Variants in AAMP observed in about 807,000 individuals in gnomAD.
The protein encoded by AAMP is angio-associated migratory cell protein.
AAMP carries 12 observed loss-of-function variants against 51.1 expected under a neutral mutation model. That is an observed-to-expected ratio of 0.23 (90% CI 0.15 to 0.38). The LOEUF (loss-of-function observed/expected upper bound fraction) is 0.38, where lower values mean the gene tolerates loss of function less well. Among genes scored for constraint, AAMP ranks in the 10% least tolerant of loss-of-function variants. The pLI is 1.00. For synonymous variants in AAMP, 210 were observed against 218.7 expected (o/e 0.96, Z 0.35); for missense variants, 418 against 557.2 (o/e 0.75, Z 2.52).
chr2:218,270,056 C>A lies in AAMP; in HGVS notation c.31G>T (p.Ala11Ser), dbSNP rs1690758617. The A allele has an allele frequency of 6.2e-7, 1 of 1,613,938 alleles. No homozygotes were observed. Among genetic ancestry groups the A allele is most frequent in the African/African-American group, 1.3e-5 (1 of 74,936 alleles). MESESESGAAADTPPLETLSF... is the reference protein window; with the variant it reads MESESESGAASDTPPLETLSF... Reference sequence around the variant, plus strand: ...AGGGTCTCCAGTGGGGGGGTGTCAGCAGCAGCCCCGCTTTCCGATTCGGAC... The same window carrying A: ...AGGGTCTCCAGTGGGGGGGTGTCAGAAGCAGCCCCGCTTTCCGATTCGGAC... The change falls in exon 1 of 11, where the codon GCT becomes TCT. Residue 11 changes from alanine (A) to serine (S), a missense_variant. Physicochemically the swap from Ala to Ser is moderately conservative, Grantham distance 99 (BLOSUM62 1). Transcript: ENST00000248450.
rs546747931 is a variant in AAMP, at chr2:218,264,212, G to C, written c.*321C>G. On this transcript the variant is annotated 3_prime_UTR_variant, in exon 11 of 11. Transcript: ENST00000248450. ...TTCCACCCCCAGAGACTTGGGAAGG[G>C]AAAGAACGGGAACCTCAAACACCTA... 1 of 395,310 alleles carries C rather than the reference G, an allele frequency of 2.5e-6. No homozygotes were observed. Among genetic ancestry groups the C allele is most frequent in the African/African-American group, 2.0e-5 (1 of 50,110 alleles). The allele number at this position is 395,310 out of a possible 1,614,324, so 24.5% of individuals were successfully genotyped here. A position where few individuals can be genotyped will look rare whatever the true frequency, so the allele number is the denominator to read the frequency against.
chr2:218,269,163 G>T (rs1690716497), intron 2 of AAMP, among the ~76,000 whole-genome samples: 1 of 152,174 alleles, frequency 6.6e-6, no homozygotes, highest in Admixed American at 6.5e-5. Flanking sequence ...AAACTAAGAG[G>T]TTAATCAAGG....
Position 218,266,314 on chromosome 2 carries a change from G to A in AAMP, c.679+129C>T. On this transcript the variant is annotated intron_variant, in intron 5 of 10. Coordinates refer to ENST00000248450, the MANE Select transcript of AAMP (RefSeq NM_001087.5). This position sits in a 1 kb window ranked among gnomAD's most constrained non-coding sequence, Gnocchi z 4.7. Reference sequence around the variant, plus strand: ...AGGCGCTGTGAACTTTGGGGCCCAGGAGGTCAGCACTGCAAACAGCAGGCC... The same window carrying A: ...AGGCGCTGTGAACTTTGGGGCCCAGAAGGTCAGCACTGCAAACAGCAGGCC... The A allele has an allele frequency of 7.1e-7, 1 of 1,406,920 alleles. No homozygotes were observed. Among genetic ancestry groups the A allele is most frequent in the African/African-American group, 1.4e-5 (1 of 70,250 alleles). 87.2% of individuals were successfully genotyped at this position (1,406,920 alleles called of 1,614,324 possible).
chr2:218,266,484 C>G lies in AAMP; in HGVS notation c.638G>C (p.Gly213Ala). 1.2e-6 allele frequency: 2 copies of G among 1,614,094 alleles called. No individual in the cohort carries two copies. Among genetic ancestry groups the G allele is most frequent in the Non-Finnish European group, 1.7e-6 (2 of 1,180,002 alleles). The change falls in exon 5 of 11, where the codon GGT becomes GCT. Residue 213 changes from glycine to alanine, a missense_variant. Gly to Ala is a moderately conservative substitution (Grantham distance 60). Coordinates refer to ENST00000248450, the MANE Select transcript of AAMP (RefSeq NM_001087.5). The surrounding 1 kb of genome is among the most constrained non-coding windows in gnomAD (Gnocchi z 4.7). ...VPNGDCKTFQGPNCPATCGRV... is the reference protein window; with the variant it reads ...VPNGDCKTFQAPNCPATCGRV... ...GCCACAGGTGGCTGGGCAGTTGGGA[C>G]CCTGGAAGGTCTTGCAGTCACCATT...
rs140509699 is a variant in AAMP, at chr2:218,267,561, G to A, written c.327C>T (p.Thr109=). ...CGAAGGCTTTGTCATCTTCACCCCCGGTCACTGCCAAGGTATTGGTCTTGG... is the reference window on the plus strand; with the variant it reads ...CGAAGGCTTTGTCATCTTCACCCCCAGTCACTGCCAAGGTATTGGTCTTGG... The part of the protein sequence containing the change: ...LDPKTNTLAV[T]GGEDDKAFVW... The change falls in exon 3 of 11, where the codon ACC becomes ACT. Residue 109 remains threonine (T), a synonymous_variant. Transcript: ENST00000248450. The surrounding 1 kb of genome is among the most constrained non-coding windows in gnomAD (Gnocchi z 4.6). 29 of 1,613,890 alleles carry A rather than the reference G, an allele frequency of 1.8e-5. No homozygotes were observed. Among genetic ancestry groups the A allele is most frequent in the East Asian group, 2.2e-5 (1 of 44,886 alleles).
chr2:218,267,112 G>T lies in AAMP; in HGVS notation c.395-126C>A. 8.9e-7 allele frequency: 1 copy of T among 1,121,482 alleles called. No individual in the cohort carries two copies. The highest frequency in any genetic ancestry group is 1.3e-6 in the Non-Finnish European group (1 of 789,722). 69.5% of individuals were successfully genotyped at this position (1,121,482 alleles called of 1,614,324 possible). A position where few individuals can be genotyped will look rare whatever the true frequency, so the allele number is the denominator to read the frequency against. ...AAAAAAAGAGGGGCGGGACTGAGCAGAACAGGTGCTGGAACTCACCACCAC... is the reference window on the plus strand; with the variant it reads ...AAAAAAAGAGGGGCGGGACTGAGCATAACAGGTGCTGGAACTCACCACCAC... On this transcript the variant is annotated intron_variant, in intron 3 of 10. Transcript: ENST00000248450. This position sits in a 1 kb window ranked among gnomAD's most constrained non-coding sequence, Gnocchi z 4.6.
chr2:218,266,929 G>A lies in AAMP; in HGVS notation c.452C>T (p.Thr151Ile). 6.2e-7 allele frequency: 1 copy of A among 1,614,180 alleles called. No homozygotes were observed. The highest frequency in any genetic ancestry group is 8.5e-7 in the Non-Finnish European group (1 of 1,180,022). The change falls in exon 4 of 11, where the codon ACA becomes ATA. Residue 151 changes from threonine (T) to isoleucine (I), a missense_variant. Physicochemically the swap from Thr to Ile is moderately conservative, Grantham distance 89. Coordinates refer to ENST00000248450, the MANE Select transcript of AAMP (RefSeq NM_001087.5). The surrounding 1 kb of genome is among the most constrained non-coding windows in gnomAD (Gnocchi z 4.7). ...TTTCAAGAGGCCACTCATGTCCCCT[G>A]TGGCCACTAGAGTGGAGTCATGGCT... Reference protein sequence around the residue: ...GFSHDSTLVATGDMSGLLKVW... With the variant: ...GFSHDSTLVAIGDMSGLLKVW...
rs1318513722 is a variant in AAMP, at chr2:218,265,678, A to G, written c.884T>C (p.Val295Ala). 6.2e-7 allele frequency: 1 copy of G among 1,612,360 alleles called. No homozygotes were observed. The highest frequency in any genetic ancestry group is 8.5e-7 in the Non-Finnish European group (1 of 1,179,708). Reference sequence around the variant, plus strand: ...CACAGTCTCAGGTCTAAAAACACCCACCACCTGAAAGCCAGAGAGGATCAG... The same window carrying G: ...CACAGTCTCAGGTCTAAAAACACCCGCCACCTGAAAGCCAGAGAGGATCAG... Reference protein sequence around the residue: ...KLVSATTGKVVGVFRPETVAS... With the variant: ...KLVSATTGKVAGVFRPETVAS... Residue 295 changes from valine (V) to alanine (A), a missense_variant, in exon 8 of 11, where the codon GTG becomes GCG. By Grantham distance (64) the Val-to-Ala change is moderately conservative (BLOSUM62 0). Coordinates refer to ENST00000248450, the MANE Select transcript of AAMP (RefSeq NM_001087.5). This position sits in a 1 kb window ranked among gnomAD's most constrained non-coding sequence, Gnocchi z 6.6.
At chr2:218,269,842 G>A in intron 1 of AAMP, 124 bp downstream of exon 1, 2 of 1,441,338 alleles carry the variant, frequency 1.4e-6, no homozygotes, top group Non-Finnish European at 1.9e-6. Flanking sequence ...GAGTGGGGGA[G>A]GAGGGGAAGA....
chr2:218,266,636 C>A lies in AAMP; in HGVS notation c.535-49G>T, dbSNP rs1389141018. The A allele has an allele frequency of 6.3e-7, 1 of 1,586,058 alleles. No individual in the cohort carries two copies. The highest frequency in any genetic ancestry group is 8.6e-7 in the Non-Finnish European group (1 of 1,162,780). On this transcript the variant is annotated intron_variant, in intron 4 of 10. Coordinates refer to ENST00000248450, the MANE Select transcript of AAMP (RefSeq NM_001087.5). This position sits in a 1 kb window ranked among gnomAD's most constrained non-coding sequence, Gnocchi z 4.7. ...AGGGAGGCCCGTCACCCCATCCCAC[C>A]TAGAAGCCTGCCCCATGAGCTCCAC... is the stretch of plus-strand genomic sequence containing the variant.
chr2:218,264,884 G>A, intron 10 of AAMP, 136 bp downstream of exon 10: 1 of 1,400,130 alleles, frequency 7.1e-7, no homozygotes, highest in Non-Finnish European at 1.0e-6. Flanking sequence ...AATGGGGGCT[G>A]GGCTGTGAAC....
At chr2:218,264,673 G>GGT in intron 10 of AAMP, 65 bp from the exon 11 acceptor site, 2 of 1,446,776 alleles carry the variant, frequency 1.4e-6, no homozygotes, top group Non-Finnish European at 1.9e-6. Flanking sequence ...AGGGGCCCTA[G>GGT]GGTGGGCTCC....
Position 218,265,124 on chromosome 2 carries a change from G to GGTATATA in AAMP, c.1118_1124dup (p.Cys376IlefsTer22). On this transcript the variant is annotated frameshift_variant, in exon 10 of 11. Transcript: ENST00000248450. LOFTEE classifies it high-confidence loss of function. The surrounding 1 kb of genome is among the most constrained non-coding windows in gnomAD (Gnocchi z 6.6). ...GGCGCACGATGCCATCCAGGCTGCA[G>GGTATATA]GTATATACCACGGCAGTGCCTGCCT... The GGTATATA allele has an allele frequency of 6.2e-7, 1 of 1,609,622 alleles. No individual in the cohort carries two copies. The highest frequency in any genetic ancestry group is 8.5e-7 in the Non-Finnish European group (1 of 1,177,858).
Position 218,267,710 on chromosome 2 carries a change from G to T in AAMP, c.275-97C>A. On this transcript the variant is annotated intron_variant, in intron 2 of 10. Coordinates refer to ENST00000248450, the MANE Select transcript of AAMP (RefSeq NM_001087.5). This position sits in a 1 kb window ranked among gnomAD's most constrained non-coding sequence, Gnocchi z 4.6. ...GGAAACCCACCCCCTTTCACCCAAA[G>T]CGTGTCTTTCCTCCTGGAAAACACA... 6.7e-7 allele frequency: 1 copy of T among 1,499,410 alleles called. No individual in the cohort carries two copies. Among genetic ancestry groups the T allele is most frequent in the Non-Finnish European group, 9.2e-7 (1 of 1,090,248 alleles). 92.9% of individuals were successfully genotyped at this position (1,499,410 alleles called of 1,614,324 possible). A position where few individuals can be genotyped will look rare whatever the true frequency, so the allele number is the denominator to read the frequency against.
rs771042635 is a variant in AAMP, at chr2:218,265,217, G to C, written c.1075-43C>G. On this transcript the variant is annotated intron_variant, in intron 9 of 10. Transcript: ENST00000248450. This position sits in a 1 kb window ranked among gnomAD's most constrained non-coding sequence, Gnocchi z 6.6. ...AGAGGCAGGGCGGAGGTTGGCAGGA[G>C]AGCTGAGAGCCATCTGCTCCCAATT... 1.3e-6 allele frequency: 2 copies of C among 1,566,194 alleles called. No individual in the cohort carries two copies. The highest frequency in any genetic ancestry group is 1.4e-5 in the African/African-American group (1 of 73,844).
At position 218,265,046 on chromosome 2, in the gene AAMP, A is replaced by G. The variant is rs2106170681; in HGVS notation, c.1203T>C (p.Ala401=). Reference sequence around the variant, plus strand: ...TGCTGAGGGCAAAGTCCAGGATCTCAGCCGTGTGGCCCCGGTAGTCAGTAA... The same window carrying G: ...TGCTGAGGGCAAAGTCCAGGATCTCGGCCGTGTGGCCCCGGTAGTCAGTAA... ...RLLTDYRGHT[A]EILDFALSKD... The change falls in exon 10 of 11, where the codon GCT becomes GCC. Residue 401 remains alanine (A), a synonymous_variant. Transcript: ENST00000248450. This position sits in a 1 kb window ranked among gnomAD's most constrained non-coding sequence, Gnocchi z 6.6. 6.2e-7 allele frequency: 1 copy of G among 1,613,894 alleles called. No individual in the cohort carries two copies.
intron 1 of AAMP, 161 bp downstream of exon 1, chr2:218,269,805 A>G (rs1690746636): frequency 8.4e-7 from 1 of 1,193,742 alleles, no homozygotes; most frequent in East Asian, 2.4e-5. Context: ...CACCCCAGCC[A>G]GGCCTGAGAA....
chr2:218,264,869 A>G (rs1432085226), intron 10 of AAMP, 151 bp downstream of exon 10: 1 of 1,302,782 alleles, frequency 7.7e-7, no homozygotes, highest in African/African-American at 1.5e-5. Context: ...ACTGTCAGCC[A>G]CTGGAATGGG....
Position 218,265,682 on chromosome 2 carries a change from C to T in AAMP, c.880G>A (p.Val294Met). The T allele has an allele frequency of 1.2e-6, 2 of 1,612,502 alleles. No homozygotes were observed. Among genetic ancestry groups the T allele is most frequent in the Non-Finnish European group, 1.7e-6 (2 of 1,179,838 alleles). ...GTCTCAGGTCTAAAAACACCCACCACCTGAAAGCCAGAGAGGATCAGAGGA... is the reference window on the plus strand; with the variant it reads ...GTCTCAGGTCTAAAAACACCCACCATCTGAAAGCCAGAGAGGATCAGAGGA... ...AKLVSATTGKVVGVFRPETVA... is the reference protein window; with the variant it reads ...AKLVSATTGKMVGVFRPETVA... Residue 294 changes from valine (V) to methionine (M), a missense_variant and splice_region_variant, in exon 8 of 11, where the codon GTG becomes ATG. By Grantham distance (21) the Val-to-Met change is conservative. Coordinates refer to ENST00000248450, the MANE Select transcript of AAMP (RefSeq NM_001087.5). This position sits in a 1 kb window ranked among gnomAD's most constrained non-coding sequence, Gnocchi z 6.6.
Sources: gnomAD v4.1 joint callset for allele counts (sites outside exome capture counted in the v4.1 genomes callset) on GRCh38, gnomAD v4.1.1 for gene constraint, Gnocchi (gnomAD v3.1) non-coding constraint, MANE v1.5 for transcripts, NCBI Gene and HGNC (gene_info 2026-07-23, HGNC 2026-07-21) for gene names.